PTAFR: variants seen among roughly 807,000 people sequenced by gnomAD.
The protein encoded by PTAFR is platelet activating factor receptor.
A neutral mutation model predicts 14.7 loss-of-function variants in PTAFR; 8 were observed. The observed-to-expected ratio is 0.54, with a 90% confidence interval of 0.32 to 0.98. The LOEUF is 0.98. Ranked by LOEUF, PTAFR falls within the 50% of genes least tolerant of loss-of-function variation. The pLI is 0.04. For synonymous variants in PTAFR, 156 were observed against 176.5 expected, an observed-to-expected ratio of 0.88 and a Z score of 0.92; for missense variants, 337 against 451.2, an observed-to-expected ratio of 0.75 and a Z score of 2.29.
chr1:28,154,831 A>AAAAAGG (rs1553164371), intron 1 of PTAFR, among the ~76,000 whole-genome samples: 1 of 53,564 alleles, frequency 1.9e-5, no homozygotes, highest in Non-Finnish European at 3.6e-5. Context: ...AAAAAAAAAA[A>AAAAAGG]GTGGGGGGGG....
At chr1:28,188,987 T>C (rs2149009213) in intron 1 of PTAFR, among the ~76,000 whole-genome samples, 1 of 151,696 alleles carries the variant, frequency 6.6e-6, no homozygotes, top group South Asian at 2.1e-4. Context: ...CCCACCTGAA[T>C]AGAAGAAATT....
rs148056857 is a variant in PTAFR, at chr1:28,158,435, C to T, written c.-38-7376G>A. Among the ~76,000 whole-genome samples the T allele has an allele frequency of 7.8e-3, 1,192 of 152,274 alleles. 19 individuals carry two copies. The highest frequency in any genetic ancestry group is 0.027 in the African/African-American group (1,128 of 41,562). ...AGCAACAGGGCCAGGCGCGGTGGCTCACGCCTGTAATCCCAGCACTTCGGG... is the reference window on the plus strand; with the variant it reads ...AGCAACAGGGCCAGGCGCGGTGGCTTACGCCTGTAATCCCAGCACTTCGGG... On this transcript the variant is annotated intron_variant, in intron 1 of 1. Coordinates refer to ENST00000373857, the MANE Select transcript of PTAFR (RefSeq NM_000952.5).
intron 1 of PTAFR, among the ~76,000 whole-genome samples, chr1:28,193,428 G>A (rs1207023152): frequency 4.6e-5 from 7 of 152,090 alleles, no homozygotes; most frequent in Non-Finnish European, 8.8e-5. Context: ...AGGGTCTGTT[G>A]TGTGTTGTGA....
intron 1 of PTAFR, among the ~76,000 whole-genome samples, chr1:28,174,620 GA>G (rs1646492610): frequency 6.6e-6 from 1 of 152,206 alleles, no homozygotes; most frequent in Non-Finnish European, 1.5e-5. Flanking sequence ...GCTGGGACCA[GA>G]TACTGGGCCT....
chr1:28,149,674 G>T lies in PTAFR; in HGVS notation c.*319C>A. 3.2e-6 allele frequency: 1 copy of T among 313,830 alleles called. No homozygotes were observed. Among genetic ancestry groups the T allele is most frequent in the Non-Finnish European group, 6.0e-6 (1 of 167,864 alleles). 19.4% of individuals were successfully genotyped at this position (313,830 alleles called of 1,614,324 possible). On this transcript the variant is annotated 3_prime_UTR_variant, in exon 2 of 2. Coordinates refer to ENST00000373857, the MANE Select transcript of PTAFR (RefSeq NM_000952.5). ...GATGCCCCATCGGGGAGAACTAGGT[G>T]GTTTAAAGTCTTCCCCCAAGGTCTG...
At chr1:28,152,743 C>T (rs1646209029) in intron 1 of PTAFR, among the ~76,000 whole-genome samples, 3 of 151,162 alleles carry the variant, frequency 2.0e-5, no homozygotes, top group African/African-American at 4.9e-5. Flanking sequence ...GACTCTGTCT[C>T]GAAAAAATAA....
chr1:28,156,336 C>A (rs1646263704), intron 1 of PTAFR, among the ~76,000 whole-genome samples: 1 of 151,876 alleles, frequency 6.6e-6, no homozygotes, highest in South Asian at 2.1e-4. Context: ...AAGTATGTAT[C>A]TGTGTGAAGG....
At chr1:28,181,060 C>G (rs1335340165), upstream of PTAFR, among the ~76,000 whole-genome samples, 1 of 152,002 alleles carries the variant, frequency 6.6e-6, no homozygotes, top group Non-Finnish European at 1.5e-5. Context: ...GTTGTCCAGG[C>G]TGATCTCAAA....
intron 1 of PTAFR, among the ~76,000 whole-genome samples, chr1:28,191,592 GA>G: frequency 6.7e-6 from 1 of 148,680 alleles, no homozygotes; most frequent in Non-Finnish European, 1.5e-5. Context: ...AGAAAAGAGA[GA>G]GAGAGAGAGA....
At chr1:28,183,195 T>A (rs984883611) in intron 1 of PTAFR, among the ~76,000 whole-genome samples, 10 of 152,074 alleles carry the variant, frequency 6.6e-5, no homozygotes, top group African/African-American at 2.4e-4. Context: ...AAGTGCTGTA[T>A]CTCATTCAAT....
chr1:28,185,652 T>C (rs1047194864), intron 1 of PTAFR, among the ~76,000 whole-genome samples: 32 of 152,262 alleles, frequency 2.1e-4, no homozygotes, highest in African/African-American at 7.7e-4. Flanking sequence ...AATAATCATA[T>C]AGGAATAATC....
upstream of PTAFR, among the ~76,000 whole-genome samples, chr1:28,181,474 C>A (rs1281182200): frequency 6.6e-6 from 1 of 152,084 alleles, no homozygotes; most frequent in African/African-American, 2.4e-5. Flanking sequence ...TAGCCGGGCG[C>A]GGTGGCTCAC....
At position 28,149,669 on chromosome 1, in the gene PTAFR, T is replaced by C. The variant is rs1470039856; in HGVS notation, c.*324A>G. 1.7e-5 allele frequency: 5 copies of C among 297,736 alleles called. No individual in the cohort carries two copies. The East Asian group carries it at 2.1e-4, about 13-fold the overall frequency. The allele number at this position is 297,736 out of a possible 1,614,324, so 18.4% of individuals were successfully genotyped here. A position where few individuals can be genotyped will look rare whatever the true frequency, so the allele number is the denominator to read the frequency against. Reference sequence around the variant, plus strand: ...AGACCGATGCCCCATCGGGGAGAACTAGGTGGTTTAAAGTCTTCCCCCAAG... The same window carrying C: ...AGACCGATGCCCCATCGGGGAGAACCAGGTGGTTTAAAGTCTTCCCCCAAG... On this transcript the variant is annotated 3_prime_UTR_variant, in exon 2 of 2. Transcript: ENST00000373857.
intron 1 of PTAFR, among the ~76,000 whole-genome samples, chr1:28,192,553 C>T (rs1307998742): frequency 2.2e-5 from 3 of 134,234 alleles, no homozygotes; most frequent in Non-Finnish European, 3.1e-5. Context: ...AGCAAAACTC[C>T]GTCTCAAAAA....
At chr1:28,192,720 C>A (rs1201808385) in intron 1 of PTAFR, among the ~76,000 whole-genome samples, 1 of 151,668 alleles carries the variant, frequency 6.6e-6, no homozygotes, top group Non-Finnish European at 1.5e-5. Context: ...GATCTCAGCT[C>A]ACCGTAACCT....
At position 28,163,762 on chromosome 1, in the gene PTAFR, T is replaced by C. The variant is rs1646352175; in HGVS notation, c.-38-12703A>G. Among the ~76,000 whole-genome samples the C allele has an allele frequency of 2.0e-5, 3 of 152,092 alleles. No individual in the cohort carries two copies. In the South Asian group the frequency reaches 6.2e-4, roughly 32 times the overall value. ...CAGGGGAGGGGACTGTGGGCCAACA[T>C]TGACCTAGGGGCTTTGACCTACACA... On this transcript the variant is annotated intron_variant, in intron 1 of 1. Transcript: ENST00000373857.
intron 1 of PTAFR, among the ~76,000 whole-genome samples, chr1:28,192,219 T>C (rs982930487): frequency 6.6e-6 from 1 of 152,112 alleles, no homozygotes; most frequent in African/African-American, 2.4e-5. Flanking sequence ...AGTTGTAAAA[T>C]GAAGATAATA....
intron 1 of PTAFR, among the ~76,000 whole-genome samples, 197 bp from the exon 2 acceptor site, chr1:28,151,256 C>T (rs948346665): frequency 7.3e-5 from 11 of 151,690 alleles, no homozygotes; most frequent in East Asian, 1.9e-4. Flanking sequence ...CTCAGCTCAC[C>T]GCAACCTCCG....
intron 1 of PTAFR, among the ~76,000 whole-genome samples, chr1:28,161,178 G>A (rs1267559673): frequency 2.6e-5 from 4 of 152,128 alleles, no homozygotes; most frequent in Non-Finnish European, 4.4e-5. Flanking sequence ...CTCCACCCGC[G>A]GTCTGGTTAA....
Sources: gnomAD v4.1 joint callset for allele counts (sites outside exome capture counted in the v4.1 genomes callset) on GRCh38, gnomAD v4.1.1 for gene constraint, MANE v1.5 for transcripts, NCBI Gene and HGNC (gene_info 2026-07-23, HGNC 2026-07-21) for gene names.